CDK14: variants seen among roughly 807,000 people sequenced by gnomAD.
CDK14 encodes the protein cyclin-dependent kinase 14.
CDK14 carries 34 observed loss-of-function variants against 60.7 expected under a neutral mutation model. The observed-to-expected ratio is 0.56, with a 90% CI of 0.43 to 0.75. The LOEUF (loss-of-function observed/expected upper bound fraction) is 0.75. CDK14 is among the 30% of genes least tolerant of loss of function. The probability of loss-of-function intolerance (pLI) is 0.00; values close to 1 mark genes in which losing one functional copy is unlikely to be tolerated. For synonymous variants in CDK14, 197 were observed against 203.7 expected (o/e 0.97, Z 0.28); for missense variants, 482 against 564.1 (o/e 0.85, Z 1.47).
chr7:90,634,903 A>G (rs962516944), intron 2 of CDK14, among the ~76,000 whole-genome samples: 6 of 151,950 alleles, frequency 3.9e-5, no homozygotes, highest in African/African-American at 1.5e-4. Flanking sequence ...GCATTTTTTC[A>G]TGTGTCTTTT....
chr7:90,955,557 T>G, intron 8 of CDK14, 140 bp from the exon 9 acceptor site: 1 of 819,278 alleles, frequency 1.2e-6, no homozygotes, highest in South Asian at 1.7e-5. Flanking sequence ...TTTCCCCAGT[T>G]TTCTATTAAC....
At chr7:90,778,900 T>TTCC (rs2116921954) in intron 4 of CDK14, among the ~76,000 whole-genome samples, 1 of 108,072 alleles carries the variant, frequency 9.3e-6, no homozygotes, top group South Asian at 3.0e-4. Context: ...TCCTTCCTTC[T>TTCC]TTTCTCTCTC....
In CDK14 at chr7:91,177,224, A is replaced by G. The variant is rs879384970; in HGVS notation, c.*29-29941A>G. Among the ~76,000 whole-genome samples, 366 of 149,862 alleles carry G rather than the reference A, an allele frequency of 2.4e-3. 1 individual carries two copies. The highest frequency in any genetic ancestry group is 4.0e-3 in the Non-Finnish European group (272 of 67,566). Reference sequence around the variant, plus strand: ...AGACAAAAACCACATGATTATCTCAATAGATGCAGAAAAAGCCTTTGACAA... The same window carrying G: ...AGACAAAAACCACATGATTATCTCAGTAGATGCAGAAAAAGCCTTTGACAA... On this transcript the variant is annotated intron_variant, in intron 14 of 14. Transcript: ENST00000380050.
intron 9 of CDK14, among the ~76,000 whole-genome samples, chr7:90,973,339 C>T (rs1452539394): frequency 6.6e-6 from 1 of 152,088 alleles, no homozygotes; most frequent in Non-Finnish European, 1.5e-5. Context: ...TATGGCAGTG[C>T]ACGGGCTATG....
intron 2 of CDK14, among the ~76,000 whole-genome samples, chr7:90,616,383 G>A (rs1023234538): frequency 1.6e-4 from 25 of 152,226 alleles, no homozygotes; most frequent in African/African-American, 4.6e-4. Context: ...ATAGGTGCTC[G>A]TTTATTTTAA....
At chr7:91,193,850 C>T (rs1336515397) in intron 14 of CDK14, among the ~76,000 whole-genome samples, 1 of 152,098 alleles carries the variant, frequency 6.6e-6, no homozygotes, top group Non-Finnish European at 1.5e-5. Context: ...TATATTTTGT[C>T]AGATTCGTTA....
At chr7:90,767,407 TTTA>T (rs1268576869) in intron 4 of CDK14, among the ~76,000 whole-genome samples, 14 of 152,198 alleles carry the variant, frequency 9.2e-5, no homozygotes, top group African/African-American at 3.4e-4. Flanking sequence ...TCTCTAGTCA[TTTA>T]TTATTAATAT....
At chr7:90,665,633 A>G (rs991373076) in intron 2 of CDK14, among the ~76,000 whole-genome samples, 2 of 152,218 alleles carry the variant, frequency 1.3e-5, no homozygotes, top group African/African-American at 4.8e-5. Context: ...AGATCCCTGA[A>G]GTCTTCTCTC....
At chr7:91,103,849 A>G (rs1799212239) in intron 12 of CDK14, among the ~76,000 whole-genome samples, 1 of 151,676 alleles carries the variant, frequency 6.6e-6, no homozygotes, top group South Asian at 2.1e-4. Context: ...AGAGAAAGAG[A>G]GAGAGAGAGA....
intron 2 of CDK14, among the ~76,000 whole-genome samples, chr7:90,633,469 A>C (rs901477972): frequency 6.6e-6 from 1 of 152,172 alleles, no homozygotes; most frequent in African/African-American, 2.4e-5. Flanking sequence ...GTTTATTTTT[A>C]TTTGTAACAA....
chr7:90,708,005 G>A (rs1306593000), intron 2 of CDK14, among the ~76,000 whole-genome samples: 1 of 152,146 alleles, frequency 6.6e-6, no homozygotes. Flanking sequence ...TACTGTGTTT[G>A]TTGGTTTTTA....
chr7:91,196,841 G>C (rs1054379520), intron 14 of CDK14, among the ~76,000 whole-genome samples: 27 of 152,202 alleles, frequency 1.8e-4, no homozygotes, highest in African/African-American at 5.8e-4. Context: ...AAGAGAGAAG[G>C]CTGCTGGCTC....
intron 10 of CDK14, among the ~76,000 whole-genome samples, chr7:91,015,986 A>C (rs6958371): frequency 0.55 from 83,216 of 151,796 alleles, 23,333 homozygotes; most frequent in Middle Eastern, 0.66. Flanking sequence ...GAAATAGGTT[A>C]TCAGTATTTT....
intron 6 of CDK14, among the ~76,000 whole-genome samples, chr7:90,886,677 T>C (rs1413662183): frequency 6.6e-6 from 1 of 152,140 alleles, no homozygotes. Context: ...GTAAAACATA[T>C]TATGAGGAGC....
Position 90,596,647 on chromosome 7 carries a change from C to G in CDK14, c.20C>G (p.Pro7Arg). The G allele has an allele frequency of 6.2e-7, 1 of 1,612,190 alleles. No homozygotes were observed. The highest frequency in any genetic ancestry group is 8.5e-7 in the Non-Finnish European group (1 of 1,179,442). Residue 7 changes from proline (P) to arginine (R), a missense_variant, in exon 1 of 15, where the codon CCG (proline) becomes CGG (arginine). Transcript: ENST00000380050. ...GCCCAGATGTGTGACCTCATTGAGC[C>G]GCAGCCGGCCGAGAAGATCGGCAAG... is the stretch of plus-strand genomic sequence containing the variant. MCDLIEPQPAEKIGKMK... is the reference protein window; with the variant it reads MCDLIERQPAEKIGKMK...
intron 14 of CDK14, among the ~76,000 whole-genome samples, chr7:91,175,758 ACTAT>A (rs1316885964): frequency 1.3e-5 from 2 of 148,446 alleles, no homozygotes; most frequent in Non-Finnish European, 3.0e-5. Context: ...AGAAGAGCTA[ACTAT>A]CCTAAATATA....
intron 2 of CDK14, among the ~76,000 whole-genome samples, chr7:90,667,549 C>T (rs1270125558): frequency 6.6e-6 from 1 of 151,572 alleles, no homozygotes; most frequent in Non-Finnish European, 1.5e-5. Flanking sequence ...TTTCAAAGTT[C>T]ATCCATGTTG....
chr7:90,731,459 T>G (rs1254923455), intron 3 of CDK14, among the ~76,000 whole-genome samples: 2 of 152,234 alleles, frequency 1.3e-5, no homozygotes, highest in African/African-American at 4.8e-5. Context: ...TGATATTGAT[T>G]CTTCATATCC....
chr7:90,921,251 A>C (rs1584125625), intron 8 of CDK14, among the ~76,000 whole-genome samples: 1 of 152,138 alleles, frequency 6.6e-6, no homozygotes, highest in South Asian at 2.1e-4. Context: ...TTTCCACTAG[A>C]GGCTTTCAGT....
Sources: allele counts gnomAD v4.1 joint callset (sites outside exome capture counted in the v4.1 genomes callset), GRCh38; gene constraint gnomAD v4.1.1; transcripts MANE v1.5; gene names NCBI Gene and HGNC (gene_info 2026-07-23, HGNC 2026-07-21).